The following EYS variants were observed in gnomAD, a reference collection of about 807,000 sequenced individuals.
EYS encodes EGF-like photoreceptor maintenance factor, also known as protein eyes shut homolog.
EYS carries 250 observed loss-of-function variants against 282.1 expected under a neutral mutation model. The ratio of observed to expected loss-of-function variants is 0.89; its 90% CI spans 0.80 to 0.98. EYS has a LOEUF of 0.98. Ranked by LOEUF, EYS falls within the 50% of genes least tolerant of loss-of-function variation. The probability of loss-of-function intolerance (pLI) is 0.00; values close to 1 mark genes in which losing one functional copy is unlikely to be tolerated. For synonymous variants in EYS, 1,355 were observed against 1,282.9 expected, an observed-to-expected ratio of 1.06 and a Z score of -1.20; for missense variants, 4,016 against 3,709.0, an observed-to-expected ratio of 1.08 and a Z score of -2.15.
chr6:65,524,628 A>G (rs976481890), intron 2 of EYS, among the ~76,000 whole-genome samples: 6 of 152,200 alleles, frequency 3.9e-5, no homozygotes, highest in Non-Finnish European at 5.9e-5. Flanking sequence ...AAGACATGGA[A>G]ACACTGGTGA....
chr6:65,428,317 A>G (rs1021832), intron 5 of EYS, among the ~76,000 whole-genome samples: 75,127 of 151,958 alleles, frequency 0.49, 18,722 homozygotes, highest in South Asian at 0.58. Context: ...AAAAGTGAAT[A>G]TATACATAGA....
intron 31 of EYS, among the ~76,000 whole-genome samples, chr6:64,149,087 C>G (rs1415970763): frequency 6.6e-6 from 1 of 152,154 alleles, no homozygotes; most frequent in Non-Finnish European, 1.5e-5. Context: ...TTATCTGTCC[C>G]TGACATAGAT....
chr6:63,798,614 A>G (rs927964392), intron 37 of EYS, among the ~76,000 whole-genome samples: 4 of 152,068 alleles, frequency 2.6e-5, no homozygotes, highest in African/African-American at 9.7e-5. Flanking sequence ...CCTGATCCCT[A>G]CCAGGGCTCT....
At chr6:65,044,979 A>G (rs1431256101) in intron 13 of EYS, among the ~76,000 whole-genome samples, 1 of 151,824 alleles carries the variant, frequency 6.6e-6, no homozygotes, top group Non-Finnish European at 1.5e-5. Flanking sequence ...GTGAAAAGCA[A>G]TAGAAATACA....
At chr6:64,052,861 C>T (rs1770858553) in intron 33 of EYS, among the ~76,000 whole-genome samples, 2 of 152,130 alleles carry the variant, frequency 1.3e-5, no homozygotes, top group Non-Finnish European at 2.9e-5. Context: ...TCTGCCATGA[C>T]TGTAAGTTTG....
chr6:63,762,608 C>T lies in EYS; in HGVS notation c.7924G>A (p.Gly2642Arg). ...VYCNCTTGWK[G>R]SFCTETVSTC... is the part of the protein sequence containing the mutation. ...GAAACTGTCTCTGTGCAGAATGATC[C>T]TTTCCACCCAGTGGTACAATTGCAG... is the stretch of plus-strand genomic sequence containing the variant. Residue 2642 changes from glycine to arginine, a missense_variant, in exon 41 of 43, where the codon GGA becomes AGA. By Grantham distance (125) the Gly-to-Arg change is moderately radical. Coordinates refer to ENST00000503581, the MANE Select transcript of EYS (RefSeq NM_001142800.2). 6.5e-7 allele frequency: 1 copy of T among 1,550,088 alleles called. No individual in the cohort carries two copies.
intron 12 of EYS, among the ~76,000 whole-genome samples, chr6:65,171,238 T>G (rs1004826721): frequency 6.6e-6 from 1 of 151,618 alleles, no homozygotes; most frequent in African/African-American, 2.4e-5. Context: ...TTATTGGGTC[T>G]TACATGCCTT....
At chr6:65,165,052 T>C (rs1182493580) in intron 12 of EYS, among the ~76,000 whole-genome samples, 1 of 151,288 alleles carries the variant, frequency 6.6e-6, no homozygotes, top group Non-Finnish European at 1.5e-5. Flanking sequence ...GGGTACACGG[T>C]TAAACCTATA....
chr6:64,395,097 A>G (rs1337475621), intron 28 of EYS, among the ~76,000 whole-genome samples: 2 of 152,294 alleles, frequency 1.3e-5, no homozygotes, highest in South Asian at 2.1e-4. Context: ...ATCTCACACC[A>G]GTTAGAATGG....
At chr6:64,880,808 T>C (rs964995648) in intron 19 of EYS, among the ~76,000 whole-genome samples, 1 of 149,660 alleles carries the variant, frequency 6.7e-6, no homozygotes, top group African/African-American at 2.4e-5. Flanking sequence ...ACACACATAC[T>C]TATGTATAAG....
chr6:64,700,273 C>A (rs2149923329), intron 22 of EYS, among the ~76,000 whole-genome samples: 1 of 152,070 alleles, frequency 6.6e-6, no homozygotes, highest in East Asian at 1.9e-4. Flanking sequence ...CCACAACCCA[C>A]ATCATACTAA....
intron 12 of EYS, among the ~76,000 whole-genome samples, chr6:65,088,370 T>C (rs78088736): frequency 0.018 from 2,677 of 152,272 alleles, 74 homozygotes; most frequent in African/African-American, 0.061. Flanking sequence ...TTGACCAAAA[T>C]GCTGATAGTG....
intron 28 of EYS, among the ~76,000 whole-genome samples, chr6:64,407,555 G>A (rs2150440961): frequency 6.6e-6 from 1 of 152,264 alleles, no homozygotes; most frequent in South Asian, 2.1e-4. Context: ...AATGAAAGAA[G>A]TGGGGCTTCT....
intron 12 of EYS, among the ~76,000 whole-genome samples, chr6:65,226,351 C>T (rs1766626271): frequency 6.6e-6 from 1 of 151,930 alleles, no homozygotes; most frequent in Non-Finnish European, 1.5e-5. Flanking sequence ...ACACTCTAAA[C>T]TGCAGAATAT....
rs188810780 is a variant in EYS at position 65,563,250 on chromosome 6, A to T, written c.-332-67257T>A. ...CACTGCCAAGGTTTTAGTGAAAAAG[A>T]TATCAGTAATTCATTACCAATTATA... On this transcript the variant is annotated intron_variant, in intron 2 of 42. Coordinates refer to ENST00000503581, the MANE Select transcript of EYS (RefSeq NM_001142800.2). Among the ~76,000 whole-genome samples, 5 of 152,270 alleles carry T rather than the reference A, an allele frequency of 3.3e-5. No homozygotes were observed. In the East Asian group the frequency reaches 9.6e-4, roughly 29 times the overall value.
At chr6:65,392,872 C>T (rs1582232388) in intron 7 of EYS, among the ~76,000 whole-genome samples, 1 of 152,014 alleles carries the variant, frequency 6.6e-6, no homozygotes, top group African/African-American at 2.4e-5. Context: ...CACATGCACA[C>T]ATATGTTTAT....
chr6:65,180,222 A>G (rs1211144105), intron 12 of EYS, among the ~76,000 whole-genome samples: 1 of 151,696 alleles, frequency 6.6e-6, no homozygotes, highest in Non-Finnish European at 1.5e-5. Context: ...CAGGCAGGAG[A>G]AGGAAATAAA....
intron 26 of EYS, among the ~76,000 whole-genome samples, chr6:64,538,334 G>C (rs1369125135): frequency 2.0e-5 from 3 of 152,096 alleles, no homozygotes; most frequent in Non-Finnish European, 2.9e-5. Flanking sequence ...AACTAAAGTT[G>C]AATAACTTTT....
intron 31 of EYS, among the ~76,000 whole-genome samples, chr6:64,169,037 A>T (rs1471762499): frequency 6.6e-6 from 1 of 152,194 alleles, no homozygotes; most frequent in Non-Finnish European, 1.5e-5. Flanking sequence ...AAGTTTGCAA[A>T]GTTTTATCTA....
Sources: allele counts gnomAD v4.1 joint callset (sites outside exome capture counted in the v4.1 genomes callset), GRCh38; gene constraint gnomAD v4.1.1; transcripts MANE v1.5; gene names NCBI Gene and HGNC (gene_info 2026-07-23, HGNC 2026-07-21).